Variants in MATN2 observed in about 807,000 individuals in gnomAD.
MATN2 encodes the protein matrilin-2.
In MATN2, 69 loss-of-function variants were observed where a neutral mutation model predicts 103.2. The observed-to-expected ratio is 0.67, with a 90% CI of 0.55 to 0.82. The LOEUF is 0.82. MATN2 is among the 40% of genes least tolerant of loss of function. The pLI is 0.00. For missense variants in MATN2, 1,023 were observed against 1,211.5 expected (o/e 0.84, Z 2.31); for synonymous variants, 429 against 450.2 (o/e 0.95, Z 0.60).
intron 2 of MATN2, among the ~76,000 whole-genome samples, chr8:97,892,486 C>T (rs1818666657): frequency 6.6e-6 from 1 of 150,664 alleles, no homozygotes; most frequent in South Asian, 2.1e-4. Context: ...AACGGTCTGG[C>T]TTCGTAGAAG....
intron 12 of MATN2, among the ~76,000 whole-genome samples, chr8:98,020,706 G>A (rs1464366172): frequency 6.6e-6 from 1 of 152,178 alleles, no homozygotes. Flanking sequence ...TCGGGAGACA[G>A]CTGTGTCATC....
At chr8:97,909,194 A>G (rs1247811918) in intron 2 of MATN2, among the ~76,000 whole-genome samples, 1 of 152,218 alleles carries the variant, frequency 6.6e-6, no homozygotes, top group East Asian at 1.9e-4. Context: ...TGGCCTCCCA[A>G]ATTGCTGGGA....
intron 12 of MATN2, among the ~76,000 whole-genome samples, chr8:98,019,507 TA>T (rs1813502162): frequency 1.3e-5 from 2 of 152,242 alleles, no homozygotes; most frequent in Admixed American, 1.3e-4. Flanking sequence ...GTCTACTGAT[TA>T]AATGTTAATT....
chr8:97,923,558 TGTCTCTC>T (rs796396133), intron 2 of MATN2, among the ~76,000 whole-genome samples: 66 of 99,856 alleles, frequency 6.6e-4, no homozygotes, highest in African/African-American at 1.9e-3. Context: ...TCTCTCTCTC[TGTCTCTC>T]TTTTTTTTGA....
chr8:97,977,915 CAGAG>C (rs1480338695), intron 5 of MATN2, among the ~76,000 whole-genome samples: 1 of 152,166 alleles, frequency 6.6e-6, no homozygotes, highest in Non-Finnish European at 1.5e-5. Flanking sequence ...CCCACCTTCT[CAGAG>C]AGGCCTCTCC....
In MATN2 at chr8:97,874,642, T is replaced by G. The variant is rs1267204012; in HGVS notation, c.-27+5355T>G. 2.6e-5 allele frequency among the ~76,000 whole-genome samples: 4 copies of G among 152,058 alleles called. No individual in the cohort carries two copies. In the East Asian group the frequency reaches 7.7e-4, roughly 29 times the overall value. Reference sequence around the variant, plus strand: ...TCTTGCCCGGCTGATCTTCGACTCCTGGGCTCAAGCAATCCTCCTGCCTTG... The same window carrying G: ...TCTTGCCCGGCTGATCTTCGACTCCGGGGCTCAAGCAATCCTCCTGCCTTG... On this transcript the variant is annotated intron_variant, in intron 1 of 18. Coordinates refer to ENST00000254898, the MANE Select transcript of MATN2 (RefSeq NM_002380.5).
At chr8:98,014,875 G>A (rs1303440727) in intron 10 of MATN2, among the ~76,000 whole-genome samples, 1 of 152,076 alleles carries the variant, frequency 6.6e-6, no homozygotes, top group Non-Finnish European at 1.5e-5. Context: ...ATGTGCTTTG[G>A]GGCCTTTATT....
chr8:97,874,374 C>T (rs1320606325), intron 1 of MATN2, among the ~76,000 whole-genome samples: 1 of 150,742 alleles, frequency 6.6e-6, no homozygotes, highest in African/African-American at 2.4e-5. Flanking sequence ...CACCTCAGAT[C>T]TCTCTTCTGC....
intron 4 of MATN2, among the ~76,000 whole-genome samples, chr8:97,943,959 G>C (rs1167810898): frequency 1.3e-5 from 2 of 152,208 alleles, no homozygotes; most frequent in African/African-American, 2.4e-5. Context: ...GAGTTTGCCA[G>C]ACCCCTGCCT....
In MATN2 at chr8:98,007,377, T is replaced by C. The variant is rs943948340; in HGVS notation, c.1451-102T>C. The C allele has an allele frequency of 3.0e-5, 46 of 1,555,210 alleles. 1 individual carries two copies. The highest frequency in any genetic ancestry group is 1.8e-4 in the East Asian group (8 of 44,016). On this transcript the variant is annotated intron_variant, in intron 9 of 18. Transcript: ENST00000254898. The surrounding 1 kb of genome is among the most constrained non-coding windows in gnomAD (Gnocchi z 4.2). ...AGTGAGGATGTCCACTGGGACTGCA[T>C]GCCTTCGAGGGAGGGCGGGGTGAGC... is the stretch of plus-strand genomic sequence containing the variant.
intron 4 of MATN2, among the ~76,000 whole-genome samples, chr8:97,947,638 C>G (rs148424098): frequency 6.6e-6 from 1 of 152,052 alleles, no homozygotes; most frequent in Non-Finnish European, 1.5e-5. Context: ...GAGAGATATA[C>G]CCTATCATGG....
At chr8:97,994,271 G>C (rs114952351) in intron 6 of MATN2, among the ~76,000 whole-genome samples, 2,611 of 151,598 alleles carry the variant, frequency 0.017, 76 homozygotes, top group African/African-American at 0.06. Context: ...GGAAGAAGGA[G>C]AAGAAGGAAA....
intron 1 of MATN2, among the ~76,000 whole-genome samples, chr8:97,883,698 G>C (rs1256989041): frequency 6.6e-6 from 1 of 151,914 alleles, no homozygotes; most frequent in Non-Finnish European, 1.5e-5. Flanking sequence ...GGGACTACAG[G>C]TGCCCGCCAC....
At chr8:97,976,644 G>A (rs1811844688) in intron 5 of MATN2, among the ~76,000 whole-genome samples, 1 of 151,986 alleles carries the variant, frequency 6.6e-6, no homozygotes, top group Non-Finnish European at 1.5e-5. Context: ...AAACATTGTA[G>A]GGAGTACTTT....
intron 5 of MATN2, among the ~76,000 whole-genome samples, chr8:97,976,904 T>C (rs941553898): frequency 2.0e-5 from 3 of 152,024 alleles, no homozygotes; most frequent in African/African-American, 7.2e-5. Context: ...GGTTTGGATA[T>C]GGTTTGTTTG....
At chr8:97,961,094 C>T (rs545948287) in intron 4 of MATN2, among the ~76,000 whole-genome samples, 11 of 152,284 alleles carry the variant, frequency 7.2e-5, no homozygotes, top group Admixed American at 4.6e-4. Flanking sequence ...GAATTACAGG[C>T]GTGAGCCACC....
At chr8:98,014,582 C>T (rs1230120590) in intron 10 of MATN2, among the ~76,000 whole-genome samples, 1 of 152,208 alleles carries the variant, frequency 6.6e-6, no homozygotes, top group African/African-American at 2.4e-5. Flanking sequence ...ATTCCCTTCA[C>T]ATTTGAAAGC....
chr8:97,913,381 C>T (rs1809515657), intron 2 of MATN2, among the ~76,000 whole-genome samples: 1 of 148,438 alleles, frequency 6.7e-6, no homozygotes, highest in East Asian at 2.0e-4. Context: ...GTGGCACGAT[C>T]TTGGCTCACT....
In MATN2 at chr8:97,931,038, C is replaced by T. The variant is rs1172115868; in HGVS notation, c.228C>T (p.Val76=). The T allele has an allele frequency of 6.2e-7, 1 of 1,614,026 alleles. No individual in the cohort carries two copies. The highest frequency in any genetic ancestry group is 1.7e-5 in the Admixed American group (1 of 60,028). Reference sequence around the variant, plus strand: ...TCAACACCCATGACTATGCAAAGGTCAAGGAGTTCATCGTGGACATCTTGC... The same window carrying T: ...TCAACACCCATGACTATGCAAAGGTTAAGGAGTTCATCGTGGACATCTTGC... ...RSVNTHDYAK[V]KEFIVDILQF... Residue 76 remains valine (V), a synonymous_variant, in exon 3 of 19, where the codon GTC becomes GTT. Transcript: ENST00000254898. The surrounding 1 kb of genome is among the most constrained non-coding windows in gnomAD (Gnocchi z 4.1).
Sources: allele counts gnomAD v4.1 joint callset (sites outside exome capture counted in the v4.1 genomes callset), GRCh38; gene constraint gnomAD v4.1.1; non-coding constraint Gnocchi (gnomAD v3.1); transcripts MANE v1.5; gene names NCBI Gene and HGNC (gene_info 2026-07-23, HGNC 2026-07-21).